ADAM19: variants seen among roughly 807,000 people sequenced by gnomAD.
ADAM19 encodes ADAM metallopeptidase domain 19.
Under a neutral mutation model 114.7 loss-of-function variants are expected in ADAM19, and 65 were observed. That is an observed-to-expected ratio of 0.57 (90% CI 0.46 to 0.70). ADAM19 has a LOEUF of 0.70. Ranked by LOEUF, ADAM19 falls within the 30% of genes least tolerant of loss-of-function variation. The probability of loss-of-function intolerance (pLI) is 0.00; values close to 1 mark genes in which losing one functional copy is unlikely to be tolerated. For synonymous variants in ADAM19, 466 were observed against 460.5 expected (o/e 1.01, Z -0.15); for missense variants, 1,063 against 1,204.7 (o/e 0.88, Z 1.74).
At chr5:157,497,781 G>A (rs181019962) in intron 13 of ADAM19, among the ~76,000 whole-genome samples, 23 of 152,330 alleles carry the variant, frequency 1.5e-4, no homozygotes, top group Admixed American at 5.9e-4. Context: ...TTGATCAACA[G>A]CACACCTGGG....
Position 157,512,591 on chromosome 5 carries a change from T to C in ADAM19, c.738+843A>G, listed in dbSNP as rs138145911. On this transcript the variant is annotated intron_variant, in intron 8 of 22. Transcript: ENST00000257527. The stretch of plus-strand genomic sequence containing the variant: ...GTTACCTATTCTGCATTTTGTACTA[T>C]AACAAATATCTTCTTTCATATACAC... Among the ~76,000 whole-genome samples, 374 of 152,352 alleles carry C rather than the reference T, an allele frequency of 2.5e-3. 6 individuals are homozygous for C. The highest frequency in any genetic ancestry group is 7.7e-3 in the African/African-American group (322 of 41,582).
At chr5:157,532,541 T>G (rs1425060468) in intron 4 of ADAM19, among the ~76,000 whole-genome samples, 1 of 152,028 alleles carries the variant, frequency 6.6e-6, no homozygotes, top group Non-Finnish European at 1.5e-5. Flanking sequence ...TCCTCCCAAA[T>G]AAGTCAAGAG....
At chr5:157,518,766 G>T in intron 7 of ADAM19, 57 bp downstream of exon 7, 2 of 1,313,732 alleles carry the variant, frequency 1.5e-6, no homozygotes, top group South Asian at 1.2e-5. Context: ...TCTGGAGCCT[G>T]GAATGGAAGC....
At chr5:157,542,988 G>C (rs1244806972) in intron 3 of ADAM19, among the ~76,000 whole-genome samples, 1 of 152,044 alleles carries the variant, frequency 6.6e-6, no homozygotes, top group Non-Finnish European at 1.5e-5. Flanking sequence ...AACTTAATAA[G>C]ATACAACAGA....
At chr5:157,504,132 A>T (rs1488557117) in intron 11 of ADAM19, among the ~76,000 whole-genome samples, 1 of 152,252 alleles carries the variant, frequency 6.6e-6, no homozygotes, top group Non-Finnish European at 1.5e-5. Flanking sequence ...TATAACTCTC[A>T]ATCATTTGTC....
intron 3 of ADAM19, among the ~76,000 whole-genome samples, chr5:157,548,783 G>C (rs73297239): frequency 0.02 from 2,990 of 152,222 alleles, 85 homozygotes; most frequent in African/African-American, 0.069. Flanking sequence ...TTTTTCTCCA[G>C]GATAGTCATG....
intron 12 of ADAM19, among the ~76,000 whole-genome samples, chr5:157,502,543 G>T (rs747356714): frequency 1.1e-4 from 17 of 152,224 alleles, no homozygotes; most frequent in Non-Finnish European, 2.4e-4. Flanking sequence ...CATGCCACGT[G>T]ATCGTGGTTT....
chr5:157,491,020 T>C (rs1755136242), intron 18 of ADAM19, among the ~76,000 whole-genome samples: 1 of 152,244 alleles, frequency 6.6e-6, no homozygotes, highest in South Asian at 2.1e-4. Flanking sequence ...GTGGTTAATG[T>C]AAATATAGAG....
At chr5:157,515,539 T>C (rs1297019156) in intron 7 of ADAM19, among the ~76,000 whole-genome samples, 1 of 152,202 alleles carries the variant, frequency 6.6e-6, no homozygotes, top group African/African-American at 2.4e-5. Flanking sequence ...CACCTGTATA[T>C]ATAATACAGA....
intron 3 of ADAM19, among the ~76,000 whole-genome samples, chr5:157,557,555 C>T (rs1757400968): frequency 6.6e-5 from 10 of 152,162 alleles, no homozygotes; most frequent in Admixed American, 6.5e-4. Context: ...GAAATAATGG[C>T]ATCTTAGTCC....
At chr5:157,540,056 G>A (rs1432466278) in intron 3 of ADAM19, among the ~76,000 whole-genome samples, 1 of 152,228 alleles carries the variant, frequency 6.6e-6, no homozygotes, top group Non-Finnish European at 1.5e-5. Context: ...ACACAAAAAA[G>A]AGGATGATAT....
At chr5:157,493,230 G>T in intron 15 of ADAM19, 53 bp from the exon 16 acceptor site, 1 of 1,585,114 alleles carries the variant, frequency 6.3e-7, no homozygotes, top group Non-Finnish European at 8.6e-7. Context: ...CAGAGGAAGA[G>T]CTGGGGCACC....
chr5:157,569,093 T>C (rs1271579851), intron 2 of ADAM19: 2 of 152,172 alleles, frequency 1.3e-5, no homozygotes, highest in African/African-American at 4.8e-5. Context: ...TTGTTAAAAG[T>C]AATCTGCTCT....
intron 22 of ADAM19, 78 bp downstream of exon 22, chr5:157,481,713 T>G: frequency 6.4e-7 from 1 of 1,551,848 alleles, no homozygotes; most frequent in South Asian, 1.2e-5. Flanking sequence ...TGAATTGCTT[T>G]GTTTTCTCAA....
In ADAM19 at chr5:157,477,824, A is replaced by G. The variant is rs1413888116; in HGVS notation, c.*3125T>C. The G allele has an allele frequency of 2.3e-5, 21 of 895,078 alleles. No homozygotes were observed. In the Middle Eastern group the frequency reaches 1.8e-3, roughly 77 times the overall value. The allele number at this position is 895,078 out of a possible 1,614,324, so 55.4% of individuals were successfully genotyped here. A position where few individuals can be genotyped will look rare whatever the true frequency, so the allele number is the denominator to read the frequency against. On this transcript the variant is annotated 3_prime_UTR_variant, in exon 23 of 23. Transcript: ENST00000257527. Reference sequence around the variant, plus strand: ...GTATTGCAGGAGGTGGGGAGGGGCTATTGCTTCAGGGGGAAGGGACTATGG... The same window carrying G: ...GTATTGCAGGAGGTGGGGAGGGGCTGTTGCTTCAGGGGGAAGGGACTATGG...
Position 157,496,966 on chromosome 5 carries a change from C to T in ADAM19, c.1522G>A (p.Gly508Ser), listed in dbSNP as rs151006818. The T allele has an allele frequency of 2.2e-3, 3,520 of 1,598,988 alleles. 7 individuals carry two copies. Among genetic ancestry groups the T allele is most frequent in the Non-Finnish European group, 2.9e-3 (3,350 of 1,173,644 alleles). Residue 508 changes from glycine to serine, a missense_variant, in exon 14 of 23, where the codon GGC (glycine) becomes AGC (serine). Transcript: ENST00000257527. Reference protein sequence around the residue: ...FYQMDGTPCEGGQAYCYNGMC... With the variant: ...FYQMDGTPCESGQAYCYNGMC... ...CCGTTGTAGCAGTAGGCCTGGCCGC[C>T]CTCACAGGGGGTACCATCCATCTGG...
At chr5:157,527,367 C>T (rs866405558) in intron 5 of ADAM19, among the ~76,000 whole-genome samples, 2 of 152,184 alleles carry the variant, frequency 1.3e-5, no homozygotes, top group East Asian at 1.9e-4. Flanking sequence ...CCCACCACCA[C>T]GCCTGACTAA....
At chr5:157,498,412 G>A (rs1240378220) in intron 13 of ADAM19, among the ~76,000 whole-genome samples, 1 of 152,212 alleles carries the variant, frequency 6.6e-6, no homozygotes, top group Admixed American at 6.5e-5. Context: ...GGGGCCTTGG[G>A]CACCTGCTGT....
chr5:157,531,053 T>C (rs1487849347), intron 4 of ADAM19, among the ~76,000 whole-genome samples, 170 bp from the exon 5 acceptor site: 1 of 152,206 alleles, frequency 6.6e-6, no homozygotes, highest in Non-Finnish European at 1.5e-5. Context: ...CTGATTCCCA[T>C]AATAATCCTA....
Sources: allele counts gnomAD v4.1 joint callset (sites outside exome capture counted in the v4.1 genomes callset), GRCh38; gene constraint gnomAD v4.1.1; transcripts MANE v1.5; gene names NCBI Gene and HGNC (gene_info 2026-07-23, HGNC 2026-07-21).